The following FBXO16 variants were observed in gnomAD, a reference collection of about 807,000 sequenced individuals.
FBXO16 encodes the protein F-box only protein 16.
FBXO16 carries 31 observed loss-of-function variants against 41.0 expected under a neutral mutation model. The observed-to-expected ratio is 0.76, with a 90% confidence interval of 0.57 to 1.02. The LOEUF (loss-of-function observed/expected upper bound fraction) is 1.02, where lower values mean the gene tolerates loss of function less well. Ranked by LOEUF, FBXO16 falls within the 50% of genes least tolerant of loss-of-function variation. The pLI is 0.00. For synonymous variants in FBXO16, 133 were observed against 117.8 expected (o/e 1.13, Z -0.84); for missense variants, 361 against 346.2 (o/e 1.04, Z -0.34).
intron 7 of FBXO16, among the ~76,000 whole-genome samples, chr8:28,433,051 A>C (rs1802632372): frequency 6.9e-6 from 1 of 145,722 alleles, no homozygotes; most frequent in African/African-American, 2.8e-5. Flanking sequence ...ACAGAGTGAG[A>C]CTTCGTCCAA....
intron 7 of FBXO16, among the ~76,000 whole-genome samples, chr8:28,441,293 C>A (rs1022196948): frequency 6.6e-6 from 1 of 152,164 alleles, no homozygotes; most frequent in Non-Finnish European, 1.5e-5. Flanking sequence ...AATCTCTAGA[C>A]CAGCAGGTTT....
intron 1 of FBXO16, among the ~76,000 whole-genome samples, chr8:28,486,269 G>A (rs1803600884): frequency 6.7e-6 from 1 of 149,864 alleles, no homozygotes; most frequent in Admixed American, 6.7e-5. Context: ...TTGTTGCCCA[G>A]GCTGGAGTGC....
chr8:28,475,920 G>T (rs1803416345), intron 2 of FBXO16, among the ~76,000 whole-genome samples: 1 of 152,150 alleles, frequency 6.6e-6, no homozygotes, highest in South Asian at 2.1e-4. Flanking sequence ...GACCAAAGAG[G>T]TTATATTTAC....
At chr8:28,445,141 G>A (rs2130109386) in intron 7 of FBXO16, among the ~76,000 whole-genome samples, 1 of 152,004 alleles carries the variant, frequency 6.6e-6, no homozygotes, top group East Asian at 1.9e-4. Flanking sequence ...TCAAAACTAC[G>A]AAACATAAAT....
chr8:28,430,362 CT>C (rs1006895471), intron 7 of FBXO16, among the ~76,000 whole-genome samples: 2 of 152,186 alleles, frequency 1.3e-5, no homozygotes, highest in African/African-American at 4.8e-5. Context: ...TACAGGCCCA[CT>C]GTGCCCGGCC....
chr8:28,447,294 G>A (rs1408351571), intron 6 of FBXO16, 21 bp from the exon 7 acceptor site: 1 of 1,590,580 alleles, frequency 6.3e-7, no homozygotes, highest in South Asian at 1.1e-5. Flanking sequence ...GAAAGCAGTG[G>A]GAAAATTACA....
At chr8:28,459,106 T>G (rs1302122192) in intron 4 of FBXO16, among the ~76,000 whole-genome samples, 1 of 152,190 alleles carries the variant, frequency 6.6e-6, no homozygotes, top group Non-Finnish European at 1.5e-5. Flanking sequence ...ATATTATCCT[T>G]GTGGAAAATG....
At position 28,452,426 on chromosome 8, in the gene FBXO16, G is replaced by A. The variant is rs1227788497; in HGVS notation, c.558C>T (p.Ser186=). 1 of 1,614,184 alleles carries A rather than the reference G, an allele frequency of 6.2e-7. No individual in the cohort carries two copies. The highest frequency in any genetic ancestry group is 2.2e-5 in the East Asian group (1 of 44,886). The part of the protein sequence containing the change: ...FVIADVQLVT[S]NSPEEKQSPL... Reference sequence around the variant, plus strand: ...GGGACTGTTTTTCCTCTGGAGAATTGCTTGTAACTAGTTGAACGTCAGCGA... The same window carrying A: ...GGGACTGTTTTTCCTCTGGAGAATTACTTGTAACTAGTTGAACGTCAGCGA... Residue 186 remains serine (S), a synonymous_variant, in exon 6 of 9, where the codon AGC becomes AGT. Transcript: ENST00000380254.
chr8:28,463,758 A>G lies in FBXO16; in HGVS notation c.196T>C (p.Ser66Pro), dbSNP rs751440312. ...CAGCAGAACTTTTGCTGGGACAGCG[A>G]GCAGCGCTCCAACAGGCCTGTGAGG... ...RILTGLLERCSLSQQKFCCRK... is the reference protein window; with the variant it reads ...RILTGLLERCPLSQQKFCCRK... The change falls in exon 4 of 9, where the codon TCG (serine) becomes CCG (proline). Residue 66 changes from serine to proline, a missense_variant. Ser to Pro is a moderately conservative substitution (Grantham distance 74). Transcript: ENST00000380254. 1 of 1,614,170 alleles carries G rather than the reference A, an allele frequency of 6.2e-7. No individual in the cohort carries two copies.
intron 3 of FBXO16, among the ~76,000 whole-genome samples, chr8:28,470,042 A>C (rs1170734500): frequency 1.1e-4 from 17 of 150,026 alleles, no homozygotes; most frequent in Admixed American, 4.7e-4. Flanking sequence ...AATACAAAAA[A>C]AATTAGCCGG....
rs1802831163 is a variant in FBXO16 at position 28,444,536 on chromosome 8, G to C, written c.843+2635C>G. Reference sequence around the variant, plus strand: ...GCTCTGTTGCCCTGGCTGGAGTGCAGTGGCGTGATCTTGGCTCACTGCAGC... The same window carrying C: ...GCTCTGTTGCCCTGGCTGGAGTGCACTGGCGTGATCTTGGCTCACTGCAGC... On this transcript the variant is annotated intron_variant, in intron 7 of 8. Coordinates refer to ENST00000380254, the MANE Select transcript of FBXO16 (RefSeq NM_172366.4). Among the ~76,000 whole-genome samples the C allele has an allele frequency of 1.4e-5, 2 of 147,290 alleles. 1 individual carries two copies. Among genetic ancestry groups the C allele is most frequent in the Non-Finnish European group, 3.0e-5 (2 of 67,230 alleles).
intron 7 of FBXO16, among the ~76,000 whole-genome samples, chr8:28,444,582 A>G (rs1585896089): frequency 6.9e-6 from 1 of 144,698 alleles, no homozygotes; most frequent in South Asian, 2.1e-4. Flanking sequence ...GGTTCACGCC[A>G]TTCTCCTGCC....
At chr8:28,439,974 A>ATT (rs34129347) in intron 7 of FBXO16, among the ~76,000 whole-genome samples, 93 of 148,872 alleles carry the variant, frequency 6.2e-4, no homozygotes, top group African/African-American at 2.2e-3. Flanking sequence ...AATGTAACGG[A>ATT]TTTTTTTTTT....
chr8:28,443,112 G>A (rs552045010), intron 7 of FBXO16, among the ~76,000 whole-genome samples: 20 of 151,710 alleles, frequency 1.3e-4, no homozygotes, highest in South Asian at 2.1e-4. Flanking sequence ...TCAAACTCCC[G>A]GGCTCAAGTG....
In FBXO16 at chr8:28,463,837, G is replaced by A; in HGVS notation, c.136-19C>T. On this transcript the variant is annotated intron_variant, in intron 3 of 8. Transcript: ENST00000380254. ...TGTCAAACTGGAAACACAAAACAAA[G>A]CAAAATGTAAAAAGCTCCAGGTTTA... is the stretch of plus-strand genomic sequence containing the variant. The A allele has an allele frequency of 6.2e-7, 1 of 1,610,134 alleles. No homozygotes were observed. Among genetic ancestry groups the A allele is most frequent in the South Asian group, 1.1e-5 (1 of 90,970 alleles).
chr8:28,478,045 T>C (rs1803451051), intron 2 of FBXO16, among the ~76,000 whole-genome samples: 1 of 152,168 alleles, frequency 6.6e-6, no homozygotes. Context: ...GGCATAATCA[T>C]ACACAAATTC....
intron 2 of FBXO16, 21 bp downstream of exon 2, chr8:28,483,327 A>G: frequency 2.5e-6 from 4 of 1,578,900 alleles, no homozygotes; most frequent in Non-Finnish European, 3.4e-6. Flanking sequence ...TTCAATTGTT[A>G]AAATAGTTCT....
At chr8:28,443,803 G>A (rs1018495294) in intron 7 of FBXO16, among the ~76,000 whole-genome samples, 1 of 152,080 alleles carries the variant, frequency 6.6e-6, no homozygotes, top group Non-Finnish European at 1.5e-5. Context: ...CCAAGATGGC[G>A]ACAGGAATGA....
intron 7 of FBXO16, among the ~76,000 whole-genome samples, chr8:28,435,171 ATTT>A (rs71222552): frequency 2.1e-5 from 3 of 140,954 alleles, no homozygotes; most frequent in Admixed American, 7.1e-5. Context: ...ATGAGGGCAG[ATTT>A]TTTTTTTTTT....
Sources: allele counts gnomAD v4.1 joint callset (sites outside exome capture counted in the v4.1 genomes callset), GRCh38; gene constraint gnomAD v4.1.1; transcripts MANE v1.5; gene names NCBI Gene and HGNC (gene_info 2026-07-23, HGNC 2026-07-21).